The following BICD2 variants were observed in gnomAD, a reference collection of about 807,000 sequenced individuals.
BICD2 encodes the protein protein bicaudal D homolog 2.
A neutral mutation model predicts 72.9 loss-of-function variants in BICD2; 25 were observed. That is an observed-to-expected ratio of 0.34 (90% CI 0.25 to 0.48). The LOEUF (loss-of-function observed/expected upper bound fraction) is 0.48. Among genes scored for constraint, BICD2 ranks in the 20% least tolerant of loss-of-function variants. BICD2 has a pLI of 0.99. For missense variants in BICD2, 894 were observed against 1,175.2 expected, an observed-to-expected ratio of 0.76 and a Z score of 3.50; for synonymous variants, 501 against 516.1, an observed-to-expected ratio of 0.97 and a Z score of 0.40.
rs1321291810 is a variant in BICD2, at chr9:92,718,614, G to A, written c.2031C>T (p.Leu677=). The A allele has an allele frequency of 8.7e-6, 14 of 1,613,694 alleles. No individual in the cohort carries two copies. The highest frequency in any genetic ancestry group is 1.2e-5 in the Non-Finnish European group (14 of 1,180,044). ...TGGTGCTGAGCAGCGACTTCAGCTT[G>A]AGGATCTCCTCCATAAGCGCTTCCT... ...KDKEALMEEI[L]KLKSLLSTKR... Residue 677 remains leucine (L), a synonymous_variant, in exon 5 of 7, where the codon CTC becomes CTT. Coordinates refer to ENST00000356884, the MANE Select transcript of BICD2 (RefSeq NM_001003800.2).
At chr9:92,727,348 G>T (rs1342783085) in intron 2 of BICD2, among the ~76,000 whole-genome samples, 1 of 152,270 alleles carries the variant, frequency 6.6e-6, no homozygotes, top group Non-Finnish European at 1.5e-5. Flanking sequence ...CAGGAACAAG[G>T]GTCCATAAGT....
rs1024116411 is a variant in BICD2, at chr9:92,714,079, C to A, written c.*1075G>T. 6.6e-5 allele frequency: 65 copies of A among 985,894 alleles called. No individual in the cohort carries two copies. The highest frequency in any genetic ancestry group is 7.3e-5 in the Non-Finnish European group (61 of 830,358). The allele number at this position is 985,894 out of a possible 1,614,324, so 61.1% of individuals were successfully genotyped here. ...CCCTACAGCTACCTTTCCTCTTTCT[C>A]TGTTGCCATCCCCCAGATTGCACTA... is the stretch of plus-strand genomic sequence containing the variant. On this transcript the variant is annotated 3_prime_UTR_variant, in exon 7 of 7. Transcript: ENST00000356884.
chr9:92,740,539 G>C (rs143202890), intron 1 of BICD2, among the ~76,000 whole-genome samples: 46 of 151,988 alleles, frequency 3.0e-4, no homozygotes, highest in African/African-American at 4.8e-4. Flanking sequence ...GGGCGGGGAG[G>C]GGGGGCGTTG....
At chr9:92,753,640 A>G (rs896455624) in intron 1 of BICD2, among the ~76,000 whole-genome samples, 3 of 151,754 alleles carry the variant, frequency 2.0e-5, no homozygotes, top group Non-Finnish European at 4.4e-5. Context: ...CCGGGTTCAC[A>G]TCATTCTCCT....
At chr9:92,739,495 C>T (rs769294977) in intron 1 of BICD2, among the ~76,000 whole-genome samples, 4 of 152,206 alleles carry the variant, frequency 2.6e-5, no homozygotes, top group Non-Finnish European at 5.9e-5. Context: ...CGTGAAGGCT[C>T]GGTCAACACT....
chr9:92,713,547 G>T lies in BICD2; in HGVS notation c.*1607C>A. 3 of 1,551,568 alleles carry T rather than the reference G, an allele frequency of 1.9e-6. No individual in the cohort carries two copies. The highest frequency in any genetic ancestry group is 2.6e-6 in the Non-Finnish European group (3 of 1,147,190). On this transcript the variant is annotated 3_prime_UTR_variant, in exon 7 of 7. Coordinates refer to ENST00000356884, the MANE Select transcript of BICD2 (RefSeq NM_001003800.2). Reference sequence around the variant, plus strand: ...ACAATTGAAGCTCTCCACGTGCTGGGAGGGCGCGAGCACGTTAGTTGGCAG... The same window carrying T: ...ACAATTGAAGCTCTCCACGTGCTGGTAGGGCGCGAGCACGTTAGTTGGCAG...
At chr9:92,763,822 G>A (rs1189738696) in intron 1 of BICD2, among the ~76,000 whole-genome samples, 2 of 152,210 alleles carry the variant, frequency 1.3e-5, no homozygotes, top group Admixed American at 1.3e-4. Context: ...GGCCAGGGAA[G>A]TCATGCTAGC....
intron 1 of BICD2, among the ~76,000 whole-genome samples, chr9:92,732,502 G>A (rs1421356439): frequency 6.6e-6 from 1 of 152,100 alleles, no homozygotes; most frequent in African/African-American, 2.4e-5. Context: ...CAAGAAATAT[G>A]AAGCAAACTA....
At chr9:92,742,176 A>T (rs1853909876) in intron 1 of BICD2, among the ~76,000 whole-genome samples, 1 of 152,214 alleles carries the variant, frequency 6.6e-6, no homozygotes, top group Admixed American at 6.5e-5. Context: ...AGCTGCCTCA[A>T]ATCTTCTGGG....
chr9:92,762,233 G>T (rs377469462), intron 1 of BICD2, among the ~76,000 whole-genome samples: 9 of 149,748 alleles, frequency 6.0e-5, no homozygotes, highest in East Asian at 3.9e-4. Context: ...AAATCTTGTG[G>T]TTTTTTTTAA....
chr9:92,739,035 C>T (rs1490841904), intron 1 of BICD2, among the ~76,000 whole-genome samples: 1 of 152,148 alleles, frequency 6.6e-6, no homozygotes, highest in South Asian at 2.1e-4. Flanking sequence ...TCCCAGGAAT[C>T]CCACTAGTCC....
intron 1 of BICD2, among the ~76,000 whole-genome samples, chr9:92,734,785 G>C (rs1365881426): frequency 3.3e-5 from 5 of 152,148 alleles, no homozygotes; most frequent in African/African-American, 7.2e-5. Context: ...TGCAGGGTAT[G>C]ATCCCCTGCC....
At chr9:92,763,616 C>T (rs927707484) in intron 1 of BICD2, among the ~76,000 whole-genome samples, 1 of 152,182 alleles carries the variant, frequency 6.6e-6, no homozygotes, top group East Asian at 1.9e-4. Context: ...AGTCAGGGAA[C>T]GGGAGAAGAG....
At chr9:92,734,924 C>T (rs903386220) in intron 1 of BICD2, among the ~76,000 whole-genome samples, 16 of 152,346 alleles carry the variant, frequency 1.1e-4, no homozygotes, top group Admixed American at 9.8e-4. Context: ...AAGGGACACA[C>T]AGGTGGAAGG....
chr9:92,736,439 C>A (rs1853789508), intron 1 of BICD2, among the ~76,000 whole-genome samples: 1 of 152,222 alleles, frequency 6.6e-6, no homozygotes, highest in Admixed American at 6.5e-5. Flanking sequence ...AAGTTACCTA[C>A]ATGGTCTAAA....
intron 1 of BICD2, among the ~76,000 whole-genome samples, chr9:92,737,072 C>T (rs922045229): frequency 1.3e-5 from 2 of 152,182 alleles, no homozygotes; most frequent in African/African-American, 4.8e-5. Context: ...CTGTGCCCAC[C>T]ACCCCCATCT....
chr9:92,714,756 C>A lies in BICD2; in HGVS notation c.*398G>T. The A allele has an allele frequency of 9.9e-7, 1 of 1,014,470 alleles. No homozygotes were observed. Among genetic ancestry groups the A allele is most frequent in the Non-Finnish European group, 1.2e-6 (1 of 849,646 alleles). 62.8% of individuals were successfully genotyped at this position (1,014,470 alleles called of 1,614,324 possible). On this transcript the variant is annotated 3_prime_UTR_variant, in exon 7 of 7. Transcript: ENST00000356884. ...TTCTAGTGCTGACATTAGACACATG[C>A]GAGGAACATGCAAGTCTCAACTCAG... is the stretch of plus-strand genomic sequence containing the variant.
chr9:92,722,334 T>G (rs1486609619), intron 3 of BICD2, among the ~76,000 whole-genome samples: 1 of 152,198 alleles, frequency 6.6e-6, no homozygotes, highest in Non-Finnish European at 1.5e-5. Flanking sequence ...GGTCAGCACC[T>G]GATGGGGGAG....
intron 2 of BICD2, among the ~76,000 whole-genome samples, chr9:92,728,589 T>C (rs1853613658): frequency 6.6e-6 from 1 of 152,244 alleles, no homozygotes; most frequent in Non-Finnish European, 1.5e-5. Flanking sequence ...CATGGAATAT[T>C]TGGGGTTTGT....
Sources: gnomAD v4.1 joint callset for allele counts (sites outside exome capture counted in the v4.1 genomes callset) on GRCh38, gnomAD v4.1.1 for gene constraint, MANE v1.5 for transcripts, NCBI Gene and HGNC (gene_info 2026-07-23, HGNC 2026-07-21) for gene names.